The following PLXNA3 variants were observed in gnomAD, a reference collection of about 807,000 sequenced individuals.
The protein encoded by PLXNA3 is plexin A3.
Under a neutral mutation model 118.8 loss-of-function variants are expected in PLXNA3, and 52 were observed. The observed-to-expected ratio is 0.44, with a 90% CI of 0.35 to 0.55. The LOEUF (loss-of-function observed/expected upper bound fraction) is 0.55, where lower values mean the gene tolerates loss of function less well. Among genes scored for constraint, PLXNA3 ranks in the 20% least tolerant of loss-of-function variants. PLXNA3 has a pLI of 0.01. For missense variants in PLXNA3, 1,660 were observed against 1,730.8 expected (o/e 0.96, Z 0.73); for synonymous variants, 925 against 762.4 (o/e 1.21, Z -3.51).
At chrX:154,472,267 G>A (rs1488575383) in intron 32 of PLXNA3, among the ~76,000 whole-genome samples, 2 of 111,225 alleles carry the variant, frequency 1.8e-5, no homozygotes, top group Non-Finnish European at 3.8e-5. Flanking sequence ...CACTCACTGG[G>A]TCTGGCGAGG....
chrX:154,463,615 G>C lies in PLXNA3; in HGVS notation c.1472G>C (p.Cys491Ser), dbSNP rs1557205649. The C allele has an allele frequency of 8.3e-7, 1 of 1,202,297 alleles. No individual in the cohort carries two copies. Reference protein sequence around the residue: ...KQVSQLPVETCEQYQSCAACL... With the variant: ...KQVSQLPVETSEQYQSCAACL... ...GTGAGCCAGCTCCCGGTGGAGACCTGTGAGCAGTACCAGAGCTGCGCAGCC... is the reference window on the plus strand; with the variant it reads ...GTGAGCCAGCTCCCGGTGGAGACCTCTGAGCAGTACCAGAGCTGCGCAGCC... Residue 491 changes from cysteine (C) to serine (S), a missense_variant, in exon 6 of 33, where the codon TGT becomes TCT. Cys to Ser is a moderately radical substitution (Grantham distance 112). Transcript: ENST00000369682.
chrX:154,463,916 A>C, intron 6 of PLXNA3, 35 bp from the exon 7 acceptor site: 1 of 1,151,437 alleles, frequency 8.7e-7, no homozygotes, highest in Non-Finnish European at 1.2e-6. Flanking sequence ...CTCCCGGGGC[A>C]GTGGCGGGAC....
chrX:154,460,284 C>G lies in PLXNA3; in HGVS notation c.101C>G (p.Thr34Ser), dbSNP rs1342315849. Residue 34 changes from threonine to serine, a missense_variant, in exon 2 of 33, where the codon ACC (threonine) becomes AGC (serine). By Grantham distance (58) the Thr-to-Ser change is moderately conservative. Coordinates refer to ENST00000369682, the MANE Select transcript of PLXNA3 (RefSeq NM_017514.5). Reference protein sequence around the residue: ...RAFVVTDTTLTHLAVHRVTGE... With the variant: ...RAFVVTDTTLSHLAVHRVTGE... ...TTCGTGGTGACAGACACCACGCTTA[C>G]CCACCTGGCTGTGCACCGGGTGACT... 1.9e-5 allele frequency: 23 copies of G among 1,206,955 alleles called. No individual in the cohort carries two copies. Among genetic ancestry groups the G allele is most frequent in the Non-Finnish European group, 2.5e-5 (22 of 892,584 alleles).
rs977420114 is a variant in PLXNA3 at position 154,471,213 on chromosome X, C to T, written c.5265C>T (p.Phe1755=). ...DACLSVVAQT[F]MDSCSTSEHR... Reference sequence around the variant, plus strand: ...GCCTGTCGGTGGTAGCCCAGACCTTCATGGACTCCTGCTCTACATCCGAGC... The same window carrying T: ...GCCTGTCGGTGGTAGCCCAGACCTTTATGGACTCCTGCTCTACATCCGAGC... Residue 1755 remains phenylalanine (F), a synonymous_variant, in exon 31 of 33, where the codon TTC becomes TTT. Coordinates refer to ENST00000369682, the MANE Select transcript of PLXNA3 (RefSeq NM_017514.5). 3.3e-6 allele frequency: 4 copies of T among 1,210,775 alleles called. No individual in the cohort carries two copies. The highest frequency in any genetic ancestry group is 4.5e-6 in the Non-Finnish European group (4 of 894,652).
Position 154,475,729 on chromosome X carries a change from A to C in PLXNA3, c.*3044A>C, listed in dbSNP as rs191266945. 1 of 112,590 alleles carries C rather than the reference A, an allele frequency of 8.9e-6. No homozygotes were observed. Among genetic ancestry groups the C allele is most frequent in the Admixed American group, 9.4e-5 (1 of 10,633 alleles). 9.3% of individuals were successfully genotyped at this position (112,590 alleles called of 1,213,427 possible). ...GAACCATCTGGACAGAGGACAGAGGATAAGGGAGATGGTTGAAAATACTAC... is the reference window on the plus strand; with the variant it reads ...GAACCATCTGGACAGAGGACAGAGGCTAAGGGAGATGGTTGAAAATACTAC... On this transcript the variant is annotated 3_prime_UTR_variant, in exon 33 of 33. Coordinates refer to ENST00000369682, the MANE Select transcript of PLXNA3 (RefSeq NM_017514.5).
rs782543136 is a variant in PLXNA3, at chrX:154,466,232, G to A, written c.2761G>A (p.Asp921Asn). Residue 921 changes from aspartate (D) to asparagine (N), a missense_variant, in exon 15 of 33, where the codon GAC becomes AAC. Asp to Asn is a conservative substitution (Grantham distance 23). Coordinates refer to ENST00000369682, the MANE Select transcript of PLXNA3 (RefSeq NM_017514.5). ...VELCVGDCSA[D>N]FRTQSEQVYS... The stretch of plus-strand genomic sequence containing the variant: ...GCTGTGTGTGGGTGACTGTTCAGCC[G>A]ACTTCCGCACGCAGTCGGAGCAGGT... 20 of 1,208,110 alleles carry A rather than the reference G, an allele frequency of 1.7e-5. No homozygotes were observed. Among genetic ancestry groups the A allele is most frequent in the South Asian group, 7.0e-5 (4 of 56,887 alleles).
intron 22 of PLXNA3, 25 bp from the exon 23 acceptor site, chrX:154,468,278 C>G: frequency 8.4e-7 from 1 of 1,193,154 alleles, no homozygotes; most frequent in Non-Finnish European, 1.1e-6. Flanking sequence ...CGCCCCCACC[C>G]TCTGAGACCT....
Position 154,477,690 on chromosome X carries a change from G to T in PLXNA3, c.*5005G>T. 1 of 260,852 alleles carries T rather than the reference G, an allele frequency of 3.8e-6. No homozygotes were observed. Among genetic ancestry groups the T allele is most frequent in the Non-Finnish European group, 6.7e-6 (1 of 149,388 alleles). 21.5% of individuals were successfully genotyped at this position (260,852 alleles called of 1,213,427 possible). ...ATTTCCTTGTACTCCTTGAATATCTGAATTCTAGAACCCCCCCCCCAGCAA... is the reference window on the plus strand; with the variant it reads ...ATTTCCTTGTACTCCTTGAATATCTTAATTCTAGAACCCCCCCCCCAGCAA... On this transcript the variant is annotated 3_prime_UTR_variant, in exon 33 of 33. Transcript: ENST00000369682.
intron 8 of PLXNA3, 23 bp from the exon 9 acceptor site, chrX:154,464,379 C>T (rs782038042): frequency 1.1e-5 from 13 of 1,203,224 alleles, no homozygotes; most frequent in Non-Finnish European, 1.3e-5. Context: ...AGCGAGTTCA[C>T]GGCCACCCCG....
rs2069176889 is a variant in PLXNA3 at position 154,471,085 on chromosome X, C to T, written c.5157-20C>T. The T allele has an allele frequency of 1.7e-6, 2 of 1,197,732 alleles. No individual in the cohort carries two copies. The highest frequency in any genetic ancestry group is 2.3e-6 in the Non-Finnish European group (2 of 884,501). ...GGCTAACTAGGGAGCCTCAGGCGCACGTCCCTCTGTTGTCCACAGCCTGCC... is the reference window on the plus strand; with the variant it reads ...GGCTAACTAGGGAGCCTCAGGCGCATGTCCCTCTGTTGTCCACAGCCTGCC... On this transcript the variant is annotated intron_variant, in intron 30 of 32. Coordinates refer to ENST00000369682, the MANE Select transcript of PLXNA3 (RefSeq NM_017514.5).
rs1254301449 is a variant in PLXNA3, at chrX:154,460,043, C to T, written c.-27-114C>T. The T allele has an allele frequency of 3.5e-5, 16 of 456,854 alleles. No homozygotes were observed. The African/African-American group carries it at 3.6e-4, about 10-fold the overall frequency. The allele number at this position is 456,854 out of a possible 1,213,427, so 37.6% of individuals were successfully genotyped here. On this transcript the variant is annotated intron_variant, in intron 1 of 32. Coordinates refer to ENST00000369682, the MANE Select transcript of PLXNA3 (RefSeq NM_017514.5). Reference sequence around the variant, plus strand: ...GCTCACTCATGCGCCCTGGCGGAGGCCCCTCCTCTCTCCCTGTCACGGTGG... The same window carrying T: ...GCTCACTCATGCGCCCTGGCGGAGGTCCCTCCTCTCTCCCTGTCACGGTGG...
rs782122600 is a variant in PLXNA3 at position 154,467,633 on chromosome X, C to T, written c.3530C>T (p.Ser1177Leu). The T allele has an allele frequency of 1.7e-6, 2 of 1,210,179 alleles. No individual in the cohort carries two copies. The highest frequency in any genetic ancestry group is 2.2e-5 in the Admixed American group (1 of 45,994). Residue 1177 changes from serine (S) to leucine (L), a missense_variant, in exon 20 of 33, where the codon TCG becomes TTG. Ser to Leu is a moderately radical substitution (Grantham distance 145). Coordinates refer to ENST00000369682, the MANE Select transcript of PLXNA3 (RefSeq NM_017514.5). ...GGCCAGCCGTGTTCGCTCACTGTCT[C>T]GGACACACAACTCCTGTGCGACTCA... ...IGGQPCSLTV[S>L]DTQLLCDSPS...
intron 1 of PLXNA3, 24 bp from the exon 2 acceptor site, chrX:154,460,133 C>G: frequency 1.1e-6 from 1 of 905,057 alleles, no homozygotes; most frequent in Non-Finnish European, 1.6e-6. Context: ...AGGCCTCTGA[C>G]TCCCACACAC....
At position 154,461,307 on chromosome X, in the gene PLXNA3, G is replaced by A. The variant is rs782482997; in HGVS notation, c.803G>A (p.Gly268Glu). The change falls in exon 3 of 33, where the codon GGA becomes GAA. Residue 268 changes from glycine to glutamate, a missense_variant. Around this residue, in one of 2 missense-constraint regions of PLXNA3, gnomAD observed 791 missense variants for 652.1 expected, o/e 1.21. Transcript: ENST00000369682. ...TCCAAGATCGTGCGCATGTGCGCGG[G>A]AGACTCAGAGTTCTACTCATACGTG... ...FTSKIVRMCA[G>E]DSEFYSYVEF... 1 of 1,212,317 alleles carries A rather than the reference G, an allele frequency of 8.2e-7. No homozygotes were observed. Among genetic ancestry groups the A allele is most frequent in the Admixed American group, 2.2e-5 (1 of 46,191 alleles).
intron 5 of PLXNA3, 30 bp from the exon 6 acceptor site, chrX:154,463,560 T>TGGGGGGGGGGGGGGGGGGG: frequency 1.6e-6 from 1 of 630,285 alleles, no homozygotes; most frequent in Non-Finnish European, 2.3e-6. Context: ...GGGGCGGGGG[T>TGGGGGGGGGGGGGGGGGGG]GGGCTGGGTG....
Position 154,461,282 on chromosome X carries a change from T to C in PLXNA3, c.778T>C (p.Ser260Pro). 1 of 1,212,147 alleles carries C rather than the reference T, an allele frequency of 8.2e-7. No individual in the cohort carries two copies. The highest frequency in any genetic ancestry group is 1.1e-6 in the Non-Finnish European group (1 of 895,438). The stretch of plus-strand genomic sequence containing the variant: ...CACAGCGGGCGAGAAATTTTTCACG[T>C]CCAAGATCGTGCGCATGTGCGCGGG... ...LDTAGEKFFT[S>P]KIVRMCAGDS... Residue 260 changes from serine (S) to proline (P), a missense_variant, in exon 3 of 33, where the codon TCC (serine) becomes CCC (proline). By Grantham distance (74) the Ser-to-Pro change is moderately conservative (BLOSUM62 -1). Coordinates refer to ENST00000369682, the MANE Select transcript of PLXNA3 (RefSeq NM_017514.5).
At position 154,466,526 on chromosome X, in the gene PLXNA3, C is replaced by T. The variant is rs2069088608; in HGVS notation, c.2936+14C>T. On this transcript the variant is annotated intron_variant, in intron 16 of 32. Transcript: ENST00000369682. ...CCAGTTTGTAAGGTGGGCCGGGGCC[C>T]TGCCAGCTTTGGGTTGGGCATCGTG... 1 of 1,202,660 alleles carries T rather than the reference C, an allele frequency of 8.3e-7. No individual in the cohort carries two copies. The highest frequency in any genetic ancestry group is 3.0e-5 in the East Asian group (1 of 33,716).
In PLXNA3 at chrX:154,473,234, C is replaced by T. The variant is rs1358684122; in HGVS notation, c.*549C>T. The T allele has an allele frequency of 8.9e-6, 1 of 112,884 alleles. No individual in the cohort carries two copies. Among genetic ancestry groups the T allele is most frequent in the Non-Finnish European group, 1.9e-5 (1 of 53,417 alleles). The allele number at this position is 112,884 out of a possible 1,213,427, so 9.3% of individuals were successfully genotyped here. On this transcript the variant is annotated 3_prime_UTR_variant, in exon 33 of 33. Transcript: ENST00000369682. ...AGCACTTGGGGTGAGGCCTCCAAAG[C>T]TTCCTCAGAATTGTGGCTGTGCCAC...
In PLXNA3 at chrX:154,468,323, G is replaced by A; in HGVS notation, c.3984G>A (p.Lys1328=). 2.2e-5 allele frequency: 27 copies of A among 1,205,956 alleles called. No homozygotes were observed. The highest frequency in any genetic ancestry group is 3.0e-5 in the Non-Finnish European group (27 of 892,201). ...CACAGACGCCACCCAACGTGGAGAA[G>A]GCCCTGCGCCTCTTCGGGCAGCTGC... ...KELDTPPNVE[K]ALRLFGQLLH... The change falls in exon 23 of 33, where the codon AAG becomes AAA. Residue 1328 remains lysine, a synonymous_variant. Coordinates refer to ENST00000369682, the MANE Select transcript of PLXNA3 (RefSeq NM_017514.5).
Sources: gnomAD v4.1 joint callset for allele counts (sites outside exome capture counted in the v4.1 genomes callset) on GRCh38, gnomAD v4.1.1 for gene constraint, gnomAD v4.1.1 regional missense constraint, MANE v1.5 for transcripts, NCBI Gene and HGNC (gene_info 2026-07-23, HGNC 2026-07-21) for gene names.